BCAS2: variants seen among roughly 807,000 people sequenced by gnomAD.
BCAS2 encodes the protein pre-mRNA-splicing factor SPF27.
BCAS2 carries 34 observed loss-of-function variants against 35.3 expected under a neutral mutation model. The ratio of observed to expected loss-of-function variants is 0.96; its 90% CI spans 0.73 to 1.28. The LOEUF is 1.28. Among genes scored for constraint, BCAS2 ranks in the 50% most tolerant of loss-of-function variants. The pLI is 0.00. For missense variants in BCAS2, 221 were observed against 268.1 expected (o/e 0.82, Z 1.23); for synonymous variants, 75 against 91.6 (o/e 0.82, Z 1.03).
Position 114,568,148 on chromosome 1 carries a change from G to A in BCAS2, c.660C>T (p.Asn220=), listed in dbSNP as rs756991956. ...TGTCTTTTCAGAAGTCTTGCCGGATGTTTTCTTTGTTTGCCTCTCCATGTT... is the reference window on the plus strand; with the variant it reads ...TGTCTTTTCAGAAGTCTTGCCGGATATTTTCTTTGTTTGCCTCTCCATGTT... ...KQQHGEANKE[N]IRQDF Residue 220 remains asparagine (N), a synonymous_variant, in exon 7 of 7, where the codon AAC becomes AAT. Coordinates refer to ENST00000369541, the MANE Select transcript of BCAS2 (RefSeq NM_005872.3). 6.2e-7 allele frequency: 1 copy of A among 1,612,716 alleles called. No individual in the cohort carries two copies. The highest frequency in any genetic ancestry group is 1.1e-5 in the South Asian group (1 of 91,018).
intron 4 of BCAS2, among the ~76,000 whole-genome samples, chr1:114,573,391 G>A (rs559529875): frequency 1.3e-5 from 2 of 151,414 alleles, no homozygotes; most frequent in Admixed American, 1.3e-4. Context: ...ACCATACCTG[G>A]CTATTTTTTT....
intron 4 of BCAS2, among the ~76,000 whole-genome samples, chr1:114,572,749 G>A (rs1654672512): frequency 6.6e-6 from 1 of 152,168 alleles, no homozygotes; most frequent in South Asian, 2.1e-4. Flanking sequence ...ATAATCACCA[G>A]AGAAAGGACT....
intron 2 of BCAS2, among the ~76,000 whole-genome samples, chr1:114,579,372 T>C (rs961797618): frequency 2.0e-5 from 3 of 152,100 alleles, no homozygotes; most frequent in African/African-American, 7.2e-5. Flanking sequence ...ACAAAGGTAT[T>C]TAAGAGAGAA....
intron 2 of BCAS2, 75 bp downstream of exon 2, chr1:114,581,224 G>A: frequency 2.0e-6 from 3 of 1,484,452 alleles, no homozygotes; most frequent in Non-Finnish European, 1.9e-6. Context: ...GGTTAAAACT[G>A]GAATTTAAAG....
chr1:114,580,653 GA>G (rs1276202066), intron 2 of BCAS2, among the ~76,000 whole-genome samples: 2 of 151,704 alleles, frequency 1.3e-5, no homozygotes, highest in African/African-American at 2.4e-5. Flanking sequence ...CTTAAATAAA[GA>G]AAAGAAAAAT....
chr1:114,576,569 T>G, intron 3 of BCAS2, 119 bp downstream of exon 3: 5 of 766,294 alleles, frequency 6.5e-6, no homozygotes, highest in Non-Finnish European at 1.0e-5. Flanking sequence ...ATTACAGGTG[T>G]GAGCCACCAC....
At chr1:114,575,112 T>G (rs188402910) in intron 4 of BCAS2, among the ~76,000 whole-genome samples, 3,619 of 150,446 alleles carry the variant, frequency 0.024, 162 homozygotes, top group African/African-American at 0.083. Context: ...CCTCAGGTGA[T>G]CCACCCGCCT....
rs8128 is a variant in BCAS2, at chr1:114,568,062, A to C, written c.*68T>G. On this transcript the variant is annotated 3_prime_UTR_variant, in exon 7 of 7. Coordinates refer to ENST00000369541, the MANE Select transcript of BCAS2 (RefSeq NM_005872.3). ...TTTGGGAAGATGCTGTTGTCCTTCAAAGTTCATTAAAAGTTCAGATGCCTT... is the reference window on the plus strand; with the variant it reads ...TTTGGGAAGATGCTGTTGTCCTTCACAGTTCATTAAAAGTTCAGATGCCTT... The C allele has an allele frequency of 0.5, 797,478 of 1,588,888 alleles. 202,265 individuals are homozygous for C. Among genetic ancestry groups the C allele is most frequent in the Middle Eastern group, 0.58 (2,546 of 4,370 alleles).
At chr1:114,579,419 G>C (rs1378957605) in intron 2 of BCAS2, among the ~76,000 whole-genome samples, 1 of 152,224 alleles carries the variant, frequency 6.6e-6, no homozygotes, top group Non-Finnish European at 1.5e-5. Context: ...AAAAGTCTGT[G>C]ATTGAATGCA....
chr1:114,569,147 TGAGAG>T (rs940508097), intron 6 of BCAS2, among the ~76,000 whole-genome samples: 6 of 152,048 alleles, frequency 3.9e-5, no homozygotes, highest in Non-Finnish European at 1.5e-5. Flanking sequence ...TAGAAACAGA[TGAGAG>T]AACTTGCAAA....
At chr1:114,574,869 G>T (rs1201225190) in intron 4 of BCAS2, among the ~76,000 whole-genome samples, 8 of 151,934 alleles carry the variant, frequency 5.3e-5, no homozygotes, top group Middle Eastern at 6.8e-3. Flanking sequence ...ACTTTGTGGG[G>T]TTTTTTTGTT....
At position 114,576,754 on chromosome 1, in the gene BCAS2, T is replaced by C; in HGVS notation, c.191A>G (p.Asp64Gly). The C allele has an allele frequency of 6.2e-7, 1 of 1,608,700 alleles. No individual in the cohort carries two copies. The highest frequency in any genetic ancestry group is 8.5e-7 in the Non-Finnish European group (1 of 1,177,796). The part of the protein sequence containing the change: ...TAPDYSAFET[D>G]IMRNEFERLA... ...TCTTTCAAATTCATTTCTCATTATG[T>C]CAGTCTGATGTGTAAATCAGAAAAA... Residue 64 changes from aspartate to glycine, a missense_variant, in exon 3 of 7, where the codon GAC (aspartate) becomes GGC (glycine). Coordinates refer to ENST00000369541, the MANE Select transcript of BCAS2 (RefSeq NM_005872.3).
chr1:114,576,926 A>ACATT (rs930568780), intron 2 of BCAS2, among the ~76,000 whole-genome samples, 168 bp from the exon 3 acceptor site: 2 of 152,160 alleles, frequency 1.3e-5, no homozygotes, highest in African/African-American at 4.8e-5. Flanking sequence ...ACACACACAC[A>ACATT]CACTCACTCA....
At chr1:114,581,469 G>C in intron 1 of BCAS2, 30 bp downstream of exon 1, 1 of 1,613,774 alleles carries the variant, frequency 6.2e-7, no homozygotes, top group Non-Finnish European at 8.5e-7. Context: ...AGCTAGCAGT[G>C]AGTCAGCTAC....
chr1:114,574,089 A>T lies in BCAS2; in HGVS notation c.419+1501T>A, dbSNP rs564570987. Reference sequence around the variant, plus strand: ...GGAATTTTGCAAGCAAGGAATCTGAATTCTAGATAGACAATAAATACTAAA... The same window carrying T: ...GGAATTTTGCAAGCAAGGAATCTGATTTCTAGATAGACAATAAATACTAAA... On this transcript the variant is annotated intron_variant, in intron 4 of 6. Coordinates refer to ENST00000369541, the MANE Select transcript of BCAS2 (RefSeq NM_005872.3). Among the ~76,000 whole-genome samples the T allele has an allele frequency of 4.6e-4, 70 of 152,364 alleles. 2 individuals carry two copies. The South Asian group carries it at 0.014, about 30-fold the overall frequency.
At chr1:114,579,337 T>G (rs1471450569) in intron 2 of BCAS2, among the ~76,000 whole-genome samples, 1 of 152,094 alleles carries the variant, frequency 6.6e-6, no homozygotes, top group African/African-American at 2.4e-5. Flanking sequence ...GGGAGTTTAC[T>G]AATTAAATCA....
At chr1:114,577,985 G>A (rs149090986) in intron 2 of BCAS2, among the ~76,000 whole-genome samples, 1 of 152,180 alleles carries the variant, frequency 6.6e-6, no homozygotes, top group Non-Finnish European at 1.5e-5. Flanking sequence ...GAGGTCAAGA[G>A]ATCAAGACCA....
chr1:114,576,641 C>T (rs779330744), intron 3 of BCAS2, 47 bp downstream of exon 3: 1 of 1,449,698 alleles, frequency 6.9e-7, no homozygotes, highest in South Asian at 1.2e-5. Flanking sequence ...CAGCTCATTA[C>T]TGAGTTACTA....
intron 4 of BCAS2, among the ~76,000 whole-genome samples, chr1:114,572,408 G>C (rs1654666297): frequency 6.6e-6 from 1 of 152,186 alleles, no homozygotes. Context: ...AGTTTAGTTT[G>C]TCTTCTCCCT....
Sources: allele counts gnomAD v4.1 joint callset (sites outside exome capture counted in the v4.1 genomes callset), GRCh38; gene constraint gnomAD v4.1.1; transcripts MANE v1.5; gene names NCBI Gene and HGNC (gene_info 2026-07-23, HGNC 2026-07-21).